The following PLCL1 variants were observed in gnomAD, a reference collection of about 807,000 sequenced individuals.
PLCL1 encodes inactive phospholipase C-like protein 1.
In PLCL1, 41 loss-of-function variants were observed where a neutral mutation model predicts 84.4. The observed-to-expected ratio is 0.49, with a 90% confidence interval of 0.38 to 0.63. The LOEUF is 0.63. Ranked by LOEUF, PLCL1 falls within the 30% of genes least tolerant of loss-of-function variation. The pLI, the probability that PLCL1 is intolerant of heterozygous loss-of-function variation, is 0.00. For missense variants in PLCL1, 1,206 were observed against 1,367.8 expected (o/e 0.88, Z 1.87); for synonymous variants, 490 against 488.3 (o/e 1.00, Z -0.05).
chr2:197,922,175 G>T (rs942195262), intron 1 of PLCL1, among the ~76,000 whole-genome samples: 1 of 110,744 alleles, frequency 9.0e-6, no homozygotes, highest in East Asian at 2.6e-4. Flanking sequence ...CGCAGTGTTT[G>T]TGTCCCTGAT....
At chr2:197,839,854 G>A (rs956080780) in intron 1 of PLCL1, among the ~76,000 whole-genome samples, 2 of 152,186 alleles carry the variant, frequency 1.3e-5, no homozygotes, top group South Asian at 2.1e-4. Flanking sequence ...TTTAAAAACT[G>A]CATTAGTATG....
At chr2:198,054,771 A>G (rs1692021319) in intron 1 of PLCL1, among the ~76,000 whole-genome samples, 1 of 152,200 alleles carries the variant, frequency 6.6e-6, no homozygotes, top group East Asian at 1.9e-4. Flanking sequence ...AACAGCAGAT[A>G]CTTAAGATTT....
chr2:197,944,213 T>G (rs1475777887), intron 1 of PLCL1, among the ~76,000 whole-genome samples: 1 of 136,212 alleles, frequency 7.3e-6, no homozygotes, highest in Non-Finnish European at 1.6e-5. Context: ...TCTGCATAAG[T>G]CTTTTTTCTT....
intron 1 of PLCL1, among the ~76,000 whole-genome samples, chr2:198,017,008 G>A (rs1049592205): frequency 2.6e-5 from 4 of 152,092 alleles, no homozygotes; most frequent in Admixed American, 1.3e-4. Flanking sequence ...TTGGTGGGGA[G>A]GCGGTAATAG....
chr2:198,070,567 G>A (rs954842669), intron 1 of PLCL1, among the ~76,000 whole-genome samples: 2 of 152,014 alleles, frequency 1.3e-5, no homozygotes, highest in African/African-American at 4.8e-5. Context: ...CAAATCAGAG[G>A]TCTGACATGA....
intron 1 of PLCL1, among the ~76,000 whole-genome samples, chr2:197,843,359 C>T (rs1290958670): frequency 6.6e-6 from 1 of 152,176 alleles, no homozygotes; most frequent in East Asian, 1.9e-4. Flanking sequence ...AGATTAATCA[C>T]TAATTAAAAG....
intron 1 of PLCL1, among the ~76,000 whole-genome samples, chr2:197,958,783 G>A (rs887353208): frequency 6.6e-6 from 1 of 151,888 alleles, no homozygotes; most frequent in African/African-American, 2.4e-5. Context: ...TGTGAGCTGT[G>A]AAATGTACTC....
rs1330353916 is a variant in PLCL1, at chr2:198,068,788, G to A, written c.241-14970G>A. Among the ~76,000 whole-genome samples the A allele has an allele frequency of 3.3e-5, 5 of 152,164 alleles. No individual in the cohort carries two copies. The East Asian group carries it at 9.6e-4, about 29-fold the overall frequency. ...TATAATCCCAGCACTTTGGGAGGCCGAGGTGGACGGATCATCTGAGGTCAG... is the reference window on the plus strand; with the variant it reads ...TATAATCCCAGCACTTTGGGAGGCCAAGGTGGACGGATCATCTGAGGTCAG... On this transcript the variant is annotated intron_variant, in intron 1 of 5. Transcript: ENST00000428675.
At chr2:198,134,301 G>T (rs951742858) in intron 5 of PLCL1, among the ~76,000 whole-genome samples, 1 of 151,986 alleles carries the variant, frequency 6.6e-6, no homozygotes, top group Admixed American at 6.6e-5. Flanking sequence ...TGAATCTGGG[G>T]CACCGAGAGT....
At position 198,149,261 on chromosome 2, in the gene PLCL1, G is replaced by A. The variant is rs1694592034; in HGVS notation, c.*2299G>A. ...TCTGTCTCCTTTCTAGACTTGAACT[G>A]TGGTAGAAAAAGCCCCCTTCTCTCT... On this transcript the variant is annotated 3_prime_UTR_variant, in exon 6 of 6. Transcript: ENST00000428675. The A allele has an allele frequency of 6.6e-6, 1 of 152,430 alleles. No homozygotes were observed. The highest frequency in any genetic ancestry group is 2.1e-4 in the South Asian group (1 of 4,826). The allele number at this position is 152,430 out of a possible 1,614,324, so 9.4% of individuals were successfully genotyped here.
intron 5 of PLCL1, among the ~76,000 whole-genome samples, chr2:198,131,096 A>T (rs1694109260): frequency 6.6e-6 from 1 of 151,912 alleles, no homozygotes; most frequent in Non-Finnish European, 1.5e-5. Flanking sequence ...AACTTTCTCC[A>T]CTTCCTCAGT....
At chr2:197,994,127 C>A (rs569021827) in intron 1 of PLCL1, among the ~76,000 whole-genome samples, 1 of 152,262 alleles carries the variant, frequency 6.6e-6, no homozygotes, top group South Asian at 2.1e-4. Flanking sequence ...AGGTGAGGGA[C>A]AAATTCTTCC....
At chr2:197,904,761 T>A (rs1344648316) in intron 1 of PLCL1, among the ~76,000 whole-genome samples, 1 of 152,198 alleles carries the variant, frequency 6.6e-6, no homozygotes, top group East Asian at 1.9e-4. Context: ...TAAATGCATA[T>A]GATAATATGT....
intron 1 of PLCL1, among the ~76,000 whole-genome samples, chr2:197,973,272 G>C (rs1027201477): frequency 6.6e-6 from 1 of 152,168 alleles, no homozygotes; most frequent in African/African-American, 2.4e-5. Flanking sequence ...TTTCCTTATG[G>C]GCTTGGGAGC....
chr2:198,002,147 C>G (rs931347038), intron 1 of PLCL1: 10 of 230,682 alleles, frequency 4.3e-5, no homozygotes, highest in Non-Finnish European at 8.2e-5. Flanking sequence ...TCCACAAAAC[C>G]AGTCCCTGGT....
At chr2:198,036,861 G>A (rs943413243) in intron 1 of PLCL1, among the ~76,000 whole-genome samples, 19 of 152,142 alleles carry the variant, frequency 1.2e-4, no homozygotes, top group African/African-American at 4.1e-4. Context: ...TTGTTAGGAA[G>A]TCCCAGTTCT....
Position 198,146,857 on chromosome 2 carries a change from C to A in PLCL1, c.3183C>A (p.Ser1061=). 2 of 1,613,620 alleles carry A rather than the reference C, an allele frequency of 1.2e-6. No homozygotes were observed. The highest frequency in any genetic ancestry group is 2.2e-5 in the South Asian group (2 of 91,058). The change falls in exon 6 of 6, where the codon TCC becomes TCA. Residue 1061 remains serine (S), a synonymous_variant. Coordinates refer to ENST00000428675, the MANE Select transcript of PLCL1 (RefSeq NM_006226.4). The part of the protein sequence containing the change: ...NMKQIQLACL[S]CGLSKAPSSS... ...AGCAGATCCAGCTGGCATGCCTGTC[C>A]TGTGGACTGAGTAAAGCCCCCAGCA... is the stretch of plus-strand genomic sequence containing the variant.
chr2:197,855,161 G>A (rs1687307319), intron 1 of PLCL1, among the ~76,000 whole-genome samples: 1 of 152,124 alleles, frequency 6.6e-6, no homozygotes, highest in South Asian at 2.1e-4. Flanking sequence ...TGAGAGGTGG[G>A]CTAAGGGAAT....
At chr2:197,943,950 G>C (rs188999580) in intron 1 of PLCL1, among the ~76,000 whole-genome samples, 1 of 152,036 alleles carries the variant, frequency 6.6e-6, no homozygotes, top group African/African-American at 2.4e-5. Context: ...TGCTCTCTGG[G>C]CATAAGGCAC....
Sources: gnomAD v4.1 joint callset for allele counts (sites outside exome capture counted in the v4.1 genomes callset) on GRCh38, gnomAD v4.1.1 for gene constraint, MANE v1.5 for transcripts, NCBI Gene and HGNC (gene_info 2026-07-23, HGNC 2026-07-21) for gene names.